The following PAPSS2 variants were observed in gnomAD, a reference collection of about 807,000 sequenced individuals.
PAPSS2 encodes 3'-phosphoadenosine 5'-phosphosulfate synthase 2, also known as bifunctional 3'-phosphoadenosine 5'-phosphosulfate synthase 2.
In PAPSS2, 61 loss-of-function variants were observed where a neutral mutation model predicts 66.5. The ratio of observed to expected loss-of-function variants is 0.92; its 90% CI spans 0.75 to 1.14. PAPSS2 has a LOEUF of 1.14. Among genes scored for constraint, PAPSS2 ranks in the 50% most tolerant of loss-of-function variants. The probability of loss-of-function intolerance (pLI) is 0.00; values close to 1 mark genes in which losing one functional copy is unlikely to be tolerated. For missense variants in PAPSS2, 708 were observed against 789.6 expected, an observed-to-expected ratio of 0.90 and a Z score of 1.24; for synonymous variants, 289 against 287.5, an observed-to-expected ratio of 1.01 and a Z score of -0.05.
chr10:87,703,126 A>G (rs1373159240), intron 1 of PAPSS2, among the ~76,000 whole-genome samples: 10 of 152,158 alleles, frequency 6.6e-5, no homozygotes. Context: ...GCCATCCTCC[A>G]TCTAGGTAAC....
chr10:87,717,711 T>G (rs1402281691), intron 7 of PAPSS2, among the ~76,000 whole-genome samples: 1 of 152,084 alleles, frequency 6.6e-6, no homozygotes, highest in East Asian at 1.9e-4. Context: ...TACAGGCATG[T>G]ACCACCATGC....
intron 9 of PAPSS2, among the ~76,000 whole-genome samples, chr10:87,732,992 T>G (rs1212227607): frequency 1.3e-5 from 2 of 152,256 alleles, no homozygotes; most frequent in African/African-American, 4.8e-5. Flanking sequence ...TGTTGAAGAT[T>G]GTCGCATGTA....
chr10:87,731,772 G>A (rs555843147), intron 9 of PAPSS2, among the ~76,000 whole-genome samples: 65 of 152,358 alleles, frequency 4.3e-4, no homozygotes, highest in Non-Finnish European at 8.4e-4. Flanking sequence ...AGTGGAGCCT[G>A]AAGAAGTAAC....
At chr10:87,714,390 C>T (rs1853506153) in intron 4 of PAPSS2, among the ~76,000 whole-genome samples, 1 of 152,122 alleles carries the variant, frequency 6.6e-6, no homozygotes, top group Non-Finnish European at 1.5e-5. Flanking sequence ...GTCATCTCAG[C>T]CATATGCAAT....
chr10:87,732,801 TGGTGGC>T (rs1853745637), intron 9 of PAPSS2, among the ~76,000 whole-genome samples: 1 of 152,160 alleles, frequency 6.6e-6, no homozygotes. Flanking sequence ...CCAAGGAGAA[TGGTGGC>T]ATGACTTGTG....
At chr10:87,715,944 A>G in intron 7 of PAPSS2, 101 bp downstream of exon 7, 1 of 759,016 alleles carries the variant, frequency 1.3e-6, no homozygotes, top group South Asian at 1.4e-5. Flanking sequence ...TAGTTTGCAA[A>G]TCTTATTGCA....
intron 9 of PAPSS2, among the ~76,000 whole-genome samples, chr10:87,736,593 A>G (rs1377041796): frequency 2.0e-5 from 3 of 152,094 alleles, no homozygotes; most frequent in Non-Finnish European, 4.4e-5. Context: ...TAGTTTCACC[A>G]TTCTTCAACC....
chr10:87,705,784 A>G (rs917049502), intron 1 of PAPSS2, among the ~76,000 whole-genome samples: 9 of 148,350 alleles, frequency 6.1e-5, no homozygotes, highest in Non-Finnish European at 1.2e-4. Flanking sequence ...CCCAGGCTGG[A>G]GCGTAGTGGC....
chr10:87,733,835 C>G (rs1853759965), intron 9 of PAPSS2, among the ~76,000 whole-genome samples: 2 of 151,544 alleles, frequency 1.3e-5, no homozygotes, highest in Non-Finnish European at 2.9e-5. Context: ...TTAACCTCCC[C>G]CCAAGCCTGT....
rs139844392 is a variant in PAPSS2 at position 87,690,689 on chromosome 10, A to G, written c.28-18507A>G. On this transcript the variant is annotated intron_variant, in intron 1 of 12. Coordinates refer to ENST00000456849, the MANE Select transcript of PAPSS2 (RefSeq NM_001015880.2). ...TGGAGTGGTAAGAGATGAGATGAAA[A>G]GACCCATTTTAATTATCATTAAAAA... Among the ~76,000 whole-genome samples, 8 of 152,340 alleles carry G rather than the reference A, an allele frequency of 5.3e-5. No homozygotes were observed. The East Asian group carries it at 1.3e-3, about 26-fold the overall frequency.
intron 9 of PAPSS2, among the ~76,000 whole-genome samples, chr10:87,729,276 G>A (rs1188084779): frequency 6.7e-6 from 1 of 149,098 alleles, no homozygotes; most frequent in African/African-American, 2.5e-5. Context: ...TGTCAACCCT[G>A]CACTGAGAAA....
intron 2 of PAPSS2, among the ~76,000 whole-genome samples, chr10:87,712,530 C>T (rs956272772): frequency 6.6e-6 from 1 of 152,202 alleles, no homozygotes; most frequent in African/African-American, 2.4e-5. Flanking sequence ...CGGCTCACTG[C>T]ATGCAGCCTT....
At chr10:87,673,075 G>A (rs1450346737) in intron 1 of PAPSS2, among the ~76,000 whole-genome samples, 2 of 152,154 alleles carry the variant, frequency 1.3e-5, no homozygotes, top group Non-Finnish European at 2.9e-5. Context: ...ATATAGTGGG[G>A]GCCAGTGTTC....
intron 1 of PAPSS2, chr10:87,660,437 T>G: frequency 8.3e-6 from 2 of 240,508 alleles, no homozygotes; most frequent in Non-Finnish European, 8.1e-6. Context: ...CTATGGGAAC[T>G]TCCTTGGAGT....
chr10:87,744,133 A>G (rs974799002), intron 11 of PAPSS2, among the ~76,000 whole-genome samples: 8 of 152,212 alleles, frequency 5.3e-5, no homozygotes, highest in African/African-American at 1.9e-4. Context: ...AGAAACATCA[A>G]ATCAAACCTA....
chr10:87,669,215 A>C (rs904926605), intron 1 of PAPSS2, among the ~76,000 whole-genome samples: 1 of 152,202 alleles, frequency 6.6e-6, no homozygotes, highest in Non-Finnish European at 1.5e-5. Flanking sequence ...GATGCCATTG[A>C]TTAGATAGCA....
At chr10:87,665,433 G>A (rs1852803862) in intron 1 of PAPSS2, among the ~76,000 whole-genome samples, 1 of 152,176 alleles carries the variant, frequency 6.6e-6, no homozygotes, top group African/African-American at 2.4e-5. Context: ...GGATGGTTTT[G>A]ATCTCCTGAC....
chr10:87,722,630 G>A (rs544521786), intron 8 of PAPSS2, among the ~76,000 whole-genome samples: 3 of 152,268 alleles, frequency 2.0e-5, no homozygotes, highest in African/African-American at 7.2e-5. Flanking sequence ...AATAATCAAG[G>A]CAGTGCCCAC....
intron 7 of PAPSS2, among the ~76,000 whole-genome samples, chr10:87,720,491 G>A (rs1042462313): frequency 1.3e-5 from 2 of 152,172 alleles, no homozygotes; most frequent in African/African-American, 4.8e-5. Context: ...TCATTTAATT[G>A]TAACCAATTC....
Sources: allele counts gnomAD v4.1 joint callset (sites outside exome capture counted in the v4.1 genomes callset), GRCh38; gene constraint gnomAD v4.1.1; transcripts MANE v1.5; gene names NCBI Gene and HGNC (gene_info 2026-07-23, HGNC 2026-07-21).